MAGI2: variants seen among roughly 807,000 people sequenced by gnomAD.
MAGI2 encodes membrane-associated guanylate kinase, WW and PDZ domain-containing protein 2.
MAGI2 carries 35 observed loss-of-function variants against 133.3 expected under a neutral mutation model. The observed-to-expected ratio is 0.26, with a 90% CI of 0.20 to 0.35. MAGI2 has a LOEUF of 0.35. MAGI2 is among the 10% of genes least tolerant of loss of function. The pLI is 1.00. For synonymous variants in MAGI2, 729 were observed against 710.6 expected (o/e 1.03, Z -0.41); for missense variants, 1,636 against 1,863.4 (o/e 0.88, Z 2.25).
chr7:78,289,527 TCAGGATATCATC>T (rs1243495307), intron 9 of MAGI2, among the ~76,000 whole-genome samples: 1 of 152,160 alleles, frequency 6.6e-6, no homozygotes, highest in Non-Finnish European at 1.5e-5. Context: ...AAAACACTCT[TCAGGATATCATC>T]CAGGAGAACT....
rs1585634704 is a variant in MAGI2 at position 79,341,201 on chromosome 7, G to T, written c.301+111819C>A. Among the ~76,000 whole-genome samples the T allele has an allele frequency of 3.9e-5, 6 of 152,148 alleles. No homozygotes were observed. In the South Asian group the frequency reaches 1.2e-3, roughly 32 times the overall value. The stretch of plus-strand genomic sequence containing the variant: ...AGAAAATTACTTTAATTTTTGTATT[G>T]GGCAGTAATACTCAGTGGAAATAAA... On this transcript the variant is annotated intron_variant, in intron 1 of 21. Coordinates refer to ENST00000354212, the MANE Select transcript of MAGI2 (RefSeq NM_012301.4).
At position 78,504,962 on chromosome 7, in the gene MAGI2, A is replaced by T. The variant is rs372602876; in HGVS notation, c.755-3175T>A. Among the ~76,000 whole-genome samples the T allele has an allele frequency of 3.3e-5, 5 of 152,120 alleles. No individual in the cohort carries two copies. The South Asian group carries it at 1.0e-3, about 31-fold the overall frequency. On this transcript the variant is annotated intron_variant, in intron 4 of 21. Transcript: ENST00000354212. ...TTTTTCTAAATAAGCATATATTAAGATCTCTAAGTGATATATAGTTATATC... is the reference window on the plus strand; with the variant it reads ...TTTTTCTAAATAAGCATATATTAAGTTCTCTAAGTGATATATAGTTATATC...
At chr7:78,720,999 G>A (rs1425981778) in intron 2 of MAGI2, among the ~76,000 whole-genome samples, 1 of 152,008 alleles carries the variant, frequency 6.6e-6, no homozygotes, top group Non-Finnish European at 1.5e-5. Context: ...GATACAGGGG[G>A]CCTAATCATT....
intron 2 of MAGI2, among the ~76,000 whole-genome samples, chr7:78,793,363 G>A (rs899257139): frequency 6.6e-6 from 1 of 152,138 alleles, no homozygotes; most frequent in African/African-American, 2.4e-5. Flanking sequence ...CTTCCGCAGG[G>A]GTTGCACCTA....
chr7:79,063,037 A>C (rs766177102), intron 1 of MAGI2, among the ~76,000 whole-genome samples: 3 of 152,094 alleles, frequency 2.0e-5, no homozygotes, highest in Non-Finnish European at 4.4e-5. Flanking sequence ...TCCATGCTGG[A>C]TGATTCTACA....
intron 1 of MAGI2, among the ~76,000 whole-genome samples, chr7:79,287,723 A>G (rs1406437055): frequency 6.6e-6 from 1 of 152,164 alleles, no homozygotes; most frequent in Admixed American, 6.6e-5. Flanking sequence ...TAGTGGCTTC[A>G]GCTTCAGTTA....
intron 2 of MAGI2, among the ~76,000 whole-genome samples, chr7:78,999,170 G>T (rs916317175): frequency 6.6e-6 from 1 of 151,992 alleles, no homozygotes; most frequent in African/African-American, 2.4e-5. Context: ...AAAGGAAAGA[G>T]AAATACAAAC....
chr7:78,963,381 T>C (rs1371871235), intron 2 of MAGI2, among the ~76,000 whole-genome samples: 1 of 152,130 alleles, frequency 6.6e-6, no homozygotes, highest in Non-Finnish European at 1.5e-5. Context: ...AGTATTGTCT[T>C]AGGGTACTTA....
At chr7:78,230,854 G>A (rs146812712) in intron 10 of MAGI2, among the ~76,000 whole-genome samples, 2 of 152,288 alleles carry the variant, frequency 1.3e-5, no homozygotes, top group East Asian at 3.9e-4. Flanking sequence ...CCTTCCTCAG[G>A]CAGTTTTTTA....
At chr7:79,128,188 T>C (rs1044721930) in intron 1 of MAGI2, among the ~76,000 whole-genome samples, 1 of 150,188 alleles carries the variant, frequency 6.7e-6, no homozygotes, top group Non-Finnish European at 1.5e-5. Context: ...TCTCTCTCCT[T>C]TTTTTTTTGA....
intron 7 of MAGI2, among the ~76,000 whole-genome samples, chr7:78,362,627 C>T (rs749471768): frequency 6.6e-6 from 1 of 151,890 alleles, no homozygotes; most frequent in Non-Finnish European, 1.5e-5. Flanking sequence ...GCTAGAAGGA[C>T]GTAAAACGTT....
At chr7:78,532,918 T>C (rs1448166722) in intron 3 of MAGI2, among the ~76,000 whole-genome samples, 1 of 152,102 alleles carries the variant, frequency 6.6e-6, no homozygotes, top group Non-Finnish European at 1.5e-5. Context: ...ACTCATTTTA[T>C]ATTTAAAACT....
At chr7:78,403,353 T>C (rs62468766) in intron 6 of MAGI2, among the ~76,000 whole-genome samples, 43,194 of 152,216 alleles carry the variant, frequency 0.28, 6,513 homozygotes, top group Middle Eastern at 0.35. Flanking sequence ...GGCTGCATAG[T>C]ATTCCATGGT....
At chr7:78,520,534 G>A (rs567619840) in intron 4 of MAGI2, among the ~76,000 whole-genome samples, 7 of 151,728 alleles carry the variant, frequency 4.6e-5, no homozygotes, top group Admixed American at 3.3e-4. Context: ...CTTTAAATAC[G>A]GACCTTAGAT....
chr7:79,011,531 C>G (rs913920588), intron 1 of MAGI2, among the ~76,000 whole-genome samples: 1 of 152,128 alleles, frequency 6.6e-6, no homozygotes, highest in Non-Finnish European at 1.5e-5. Context: ...CCTTCCCCTC[C>G]CCTTGAGTCA....
chr7:78,510,976 G>A (rs1795511202), intron 4 of MAGI2, among the ~76,000 whole-genome samples: 1 of 152,138 alleles, frequency 6.6e-6, no homozygotes. Context: ...TTGTGGTAGT[G>A]GCCACTGTGT....
In MAGI2 at chr7:79,154,931, G is replaced by A. The variant is rs561188419; in HGVS notation, c.302-147725C>T. ...TTTTGCCCATTTGAATCTATTTTGCGCATGGCTTGCACAATTCCCTTCACA... is the reference window on the plus strand; with the variant it reads ...TTTTGCCCATTTGAATCTATTTTGCACATGGCTTGCACAATTCCCTTCACA... On this transcript the variant is annotated intron_variant, in intron 1 of 21. Transcript: ENST00000354212. 2.9e-3 allele frequency among the ~76,000 whole-genome samples: 448 copies of A among 152,226 alleles called. 3 individuals carry two copies. Among genetic ancestry groups the A allele is most frequent in the African/African-American group, 0.01 (419 of 41,548 alleles).
chr7:78,477,521 G>T (rs1791899286), intron 6 of MAGI2, among the ~76,000 whole-genome samples: 1 of 151,936 alleles, frequency 6.6e-6, no homozygotes, highest in Non-Finnish European at 1.5e-5. Flanking sequence ...GGCTGGGGAG[G>T]CCTCACAATC....
At chr7:78,792,792 C>T (rs549599843) in intron 2 of MAGI2, among the ~76,000 whole-genome samples, 6 of 152,148 alleles carry the variant, frequency 3.9e-5, no homozygotes, top group Non-Finnish European at 8.8e-5. Context: ...CCAATACAAC[C>T]ACCCTGTAGG....
Sources: allele counts gnomAD v4.1 joint callset (sites outside exome capture counted in the v4.1 genomes callset), GRCh38; gene constraint gnomAD v4.1.1; transcripts MANE v1.5; gene names NCBI Gene and HGNC (gene_info 2026-07-23, HGNC 2026-07-21).